TBC1D5: variants seen among roughly 807,000 people sequenced by gnomAD.
The protein encoded by TBC1D5 is TBC1 domain family, member 5.
TBC1D5 carries 75 observed loss-of-function variants against 100.3 expected under a neutral mutation model. That is an observed-to-expected ratio of 0.75 (90% CI 0.62 to 0.91). The LOEUF (loss-of-function observed/expected upper bound fraction) is 0.91. Ranked by LOEUF, TBC1D5 falls within the 40% of genes least tolerant of loss-of-function variation. The pLI, the probability that TBC1D5 is intolerant of heterozygous loss-of-function variation, is 0.00. For synonymous variants in TBC1D5, 323 were observed against 325.6 expected (o/e 0.99, Z 0.09); for missense variants, 910 against 942.4 (o/e 0.97, Z 0.45).
upstream of TBC1D5, among the ~76,000 whole-genome samples, chr3:17,742,063 C>G (rs1005923192): frequency 6.6e-6 from 1 of 152,152 alleles, no homozygotes; most frequent in South Asian, 2.1e-4. Flanking sequence ...ACTAGTCCAG[C>G]CGCCAGGCCC....
intron 17 of TBC1D5, among the ~76,000 whole-genome samples, chr3:17,229,256 G>T (rs2075201827): frequency 6.6e-6 from 1 of 152,130 alleles, no homozygotes; most frequent in Non-Finnish European, 1.5e-5. Context: ...TGAGGCATCT[G>T]GTCCCTATAT....
chr3:17,349,953 T>G (rs1450493963), intron 13 of TBC1D5, among the ~76,000 whole-genome samples: 2 of 152,244 alleles, frequency 1.3e-5, no homozygotes, highest in Non-Finnish European at 1.5e-5. Flanking sequence ...TTTAGATATG[T>G]AAAGAGTTCT....
At chr3:17,622,974 C>T (rs2062784986) in intron 2 of TBC1D5, among the ~76,000 whole-genome samples, 1 of 152,190 alleles carries the variant, frequency 6.6e-6, no homozygotes, top group Non-Finnish European at 1.5e-5. Context: ...GACCAAAAGC[C>T]TATGAGCTCT....
chr3:17,255,303 C>T (rs752715051), intron 16 of TBC1D5, among the ~76,000 whole-genome samples: 95 of 152,246 alleles, frequency 6.2e-4, no homozygotes, highest in Non-Finnish European at 1.0e-3. Flanking sequence ...TGGGTTCCAG[C>T]GTTTCTACTG....
intron 9 of TBC1D5, among the ~76,000 whole-genome samples, chr3:17,380,053 G>A (rs913075948): frequency 4.7e-5 from 6 of 127,250 alleles, no homozygotes; most frequent in Non-Finnish European, 8.0e-5. Flanking sequence ...GTATGTGTGT[G>A]TGTGTGTGTG....
At chr3:17,432,735 T>C (rs1008040131) in intron 3 of TBC1D5, among the ~76,000 whole-genome samples, 2 of 152,164 alleles carry the variant, frequency 1.3e-5, no homozygotes, top group Admixed American at 1.3e-4. Flanking sequence ...AAAAACATTT[T>C]CAAGTGGACA....
At chr3:17,183,725 C>A (rs1317309182) in intron 19 of TBC1D5, among the ~76,000 whole-genome samples, 1 of 152,178 alleles carries the variant, frequency 6.6e-6, no homozygotes, top group Non-Finnish European at 1.5e-5. Context: ...CTCTCCAAAT[C>A]TTTTAAGAGA....
chr3:17,536,260 C>CA (rs1441489840), intron 2 of TBC1D5, among the ~76,000 whole-genome samples: 1 of 152,086 alleles, frequency 6.6e-6, no homozygotes. Flanking sequence ...TGCATAGTCA[C>CA]AAAAGCACAT....
chr3:17,721,082 C>G (rs1368770925), intron 1 of TBC1D5, among the ~76,000 whole-genome samples: 1 of 151,884 alleles, frequency 6.6e-6, no homozygotes, highest in African/African-American at 2.4e-5. Flanking sequence ...CTCAACTGAT[C>G]CGCCTGCCTC....
intron 2 of TBC1D5, among the ~76,000 whole-genome samples, chr3:17,616,251 G>A (rs936793107): frequency 6.6e-6 from 1 of 151,794 alleles, no homozygotes; most frequent in African/African-American, 2.4e-5. Context: ...TGGTCTGAGA[G>A]GCAGCTTGTT....
intron 1 of TBC1D5, chr3:17,739,305 T>C (rs1023667009): frequency 2.6e-5 from 4 of 152,222 alleles, no homozygotes; most frequent in African/African-American, 9.6e-5. Context: ...AGGGATTATA[T>C]ATTCATTTTT....
At chr3:17,258,724 T>C (rs1447202061) in intron 15 of TBC1D5, 133 bp from the exon 16 acceptor site, 2 of 568,066 alleles carry the variant, frequency 3.5e-6, no homozygotes, top group East Asian at 3.4e-5. Flanking sequence ...ATTAGTGTGA[T>C]TGGGTTTTGC....
chr3:17,733,356 A>T (rs2076715871), intron 1 of TBC1D5, among the ~76,000 whole-genome samples: 1 of 152,208 alleles, frequency 6.6e-6, no homozygotes, highest in East Asian at 1.9e-4. Flanking sequence ...TAAGGATCTT[A>T]CCGGAAGAAA....
intron 3 of TBC1D5, among the ~76,000 whole-genome samples, chr3:17,429,451 A>G (rs2094407482): frequency 6.6e-6 from 1 of 151,880 alleles, no homozygotes. Flanking sequence ...TTATACTCCT[A>G]ATTTATATAA....
chr3:17,335,549 G>A (rs1312089727), intron 13 of TBC1D5, among the ~76,000 whole-genome samples: 1 of 152,070 alleles, frequency 6.6e-6, no homozygotes, highest in Non-Finnish European at 1.5e-5. Context: ...GGTGATAATT[G>A]CTTTACTTTT....
chr3:17,332,433 T>C (rs923888627), intron 13 of TBC1D5, among the ~76,000 whole-genome samples: 11 of 152,230 alleles, frequency 7.2e-5, no homozygotes, highest in African/African-American at 2.6e-4. Context: ...AAGTCATAAT[T>C]AGGCAGTTGG....
intron 2 of TBC1D5, among the ~76,000 whole-genome samples, chr3:17,580,058 A>G (rs2096683857): frequency 6.6e-6 from 1 of 152,182 alleles, no homozygotes; most frequent in South Asian, 2.1e-4. Flanking sequence ...CCCTTGTTCA[A>G]GCAATCCAGG....
chr3:17,526,244 G>A (rs753592756), intron 2 of TBC1D5, among the ~76,000 whole-genome samples: 3 of 151,962 alleles, frequency 2.0e-5, no homozygotes, highest in African/African-American at 4.8e-5. Flanking sequence ...AAGAGACAGG[G>A]AATCTCCCTG....
At chr3:17,212,220 A>T (rs2073065538) in intron 18 of TBC1D5, among the ~76,000 whole-genome samples, 1 of 152,150 alleles carries the variant, frequency 6.6e-6, no homozygotes, top group African/African-American at 2.4e-5. Context: ...CCACATAATG[A>T]TGTTTTGATC....
Sources: gnomAD v4.1 joint callset for allele counts (sites outside exome capture counted in the v4.1 genomes callset) on GRCh38, gnomAD v4.1.1 for gene constraint, MANE v1.5 for transcripts, NCBI Gene and HGNC (gene_info 2026-07-23, HGNC 2026-07-21) for gene names.